Variants in ATG7 observed in about 807,000 individuals in gnomAD.
ATG7 encodes ubiquitin-like modifier-activating enzyme ATG7.
In ATG7, 70 loss-of-function variants were observed where a neutral mutation model predicts 82.4. The ratio of observed to expected loss-of-function variants is 0.85; its 90% CI spans 0.70 to 1.04. ATG7 has a LOEUF of 1.04. Among genes scored for constraint, ATG7 ranks in the 50% least tolerant of loss-of-function variants. The pLI, the probability that ATG7 is intolerant of heterozygous loss-of-function variation, is 0.00. For missense variants in ATG7, 792 were observed against 864.3 expected (o/e 0.92, Z 1.05); for synonymous variants, 287 against 313.0 (o/e 0.92, Z 0.88).
intron 20 of ATG7, among the ~76,000 whole-genome samples, chr3:11,507,320 T>C (rs1332740267): frequency 1.3e-5 from 2 of 152,104 alleles, no homozygotes; most frequent in Non-Finnish European, 2.9e-5. Context: ...ATGTGTAAAA[T>C]AAAACACAGA....
intron 19 of ATG7, among the ~76,000 whole-genome samples, chr3:11,387,641 C>A (rs999273446): frequency 4.6e-5 from 7 of 152,150 alleles, no homozygotes; most frequent in Non-Finnish European, 1.0e-4. Context: ...GGATTGTGTT[C>A]AGACTGATGA....
chr3:11,539,891 G>A (rs71316491), intron 20 of ATG7, among the ~76,000 whole-genome samples: 1,698 of 152,326 alleles, frequency 0.011, 13 homozygotes, highest in Non-Finnish European at 0.018. Context: ...GCATCATTGC[G>A]TGTGTCAGCG....
intron 20 of ATG7, among the ~76,000 whole-genome samples, chr3:11,536,813 C>T (rs2070346551): frequency 6.6e-6 from 1 of 152,202 alleles, no homozygotes; most frequent in African/African-American, 2.4e-5. Flanking sequence ...CTCTCTGAGC[C>T]TCCATCTTCC....
At chr3:11,319,061 G>A (rs563367808) in intron 9 of ATG7, among the ~76,000 whole-genome samples, 1 of 152,308 alleles carries the variant, frequency 6.6e-6, no homozygotes, top group African/African-American at 2.4e-5. Flanking sequence ...TCAACATTTA[G>A]TGCAATGCTG....
At chr3:11,441,842 T>G (rs2084006342) in intron 20 of ATG7, among the ~76,000 whole-genome samples, 1 of 151,874 alleles carries the variant, frequency 6.6e-6, no homozygotes, top group African/African-American at 2.4e-5. Flanking sequence ...AATTTTCATA[T>G]TTTTAGTAGA....
chr3:11,492,558 G>A (rs1284892450), intron 20 of ATG7, among the ~76,000 whole-genome samples: 2 of 152,220 alleles, frequency 1.3e-5, no homozygotes, highest in East Asian at 1.9e-4. Context: ...TACTCAGTCC[G>A]TTGTGCTCAA....
chr3:11,319,241 C>A (rs73812430), intron 9 of ATG7, among the ~76,000 whole-genome samples: 2,617 of 152,352 alleles, frequency 0.017, 79 homozygotes, highest in African/African-American at 0.057. Context: ...ACCTTGTTCA[C>A]TCTCTTTAGC....
chr3:11,442,739 C>CCAA lies in ATG7; in HGVS notation c.2079+15813_2079+15814insCAA, dbSNP rs1553668928. ...GCAGCATAGTGAGACTCCATCTCTA[C>CCAA]AAAAAAAAAAAAAAAAAAAAAAAAA... On this transcript the variant is annotated intron_variant, in intron 20 of 20. Coordinates refer to ENST00000693202, the MANE Select transcript of ATG7 (RefSeq NM_001349232.2). Among the ~76,000 whole-genome samples the CCAA allele has an allele frequency of 7.2e-3, 501 of 69,260 alleles. 67 individuals carry two copies. The highest frequency in any genetic ancestry group is 0.015 in the Middle Eastern group (1 of 66). The allele number at this position is 69,260 out of a possible 152,430, so 45.4% of individuals were successfully genotyped here.
At chr3:11,521,677 C>T (rs1455895360) in intron 20 of ATG7, among the ~76,000 whole-genome samples, 2 of 152,006 alleles carry the variant, frequency 1.3e-5, no homozygotes, top group Non-Finnish European at 2.9e-5. Flanking sequence ...CTCAGCCTCC[C>T]GAGTAGCTGG....
chr3:11,573,427 CAT>C, the ATG7 span, among the ~76,000 whole-genome samples: 4 of 152,050 alleles, frequency 2.6e-5, no homozygotes, highest in Admixed American at 2.6e-4. Context: ...AGTCCTCAGA[CAT>C]GTGTCCTGGT....
chr3:11,274,653 G>A (rs573350037), intron 1 of ATG7, among the ~76,000 whole-genome samples: 1 of 152,160 alleles, frequency 6.6e-6, no homozygotes, highest in East Asian at 1.9e-4. Flanking sequence ...ATAGACTTTG[G>A]GATCCAAGAT....
In ATG7 at chr3:11,465,088, A is replaced by AGAGT. The variant is rs1553682681; in HGVS notation, c.2079+38163_2079+38164insAGTG. Among the ~76,000 whole-genome samples, 14 of 147,420 alleles carry AGAGT rather than the reference A, an allele frequency of 9.5e-5. No homozygotes were observed. In the East Asian group the frequency reaches 2.4e-3, roughly 25 times the overall value. On this transcript the variant is annotated intron_variant, in intron 20 of 20. Transcript: ENST00000693202. Reference sequence around the variant, plus strand: ...ATCAAATCAATCTCTAAAAACCTAAAGTGTGTGTGTGTGTGTGTGTGTGTG... The same window carrying AGAGT: ...ATCAAATCAATCTCTAAAAACCTAAAGAGTGTGTGTGTGTGTGTGTGTGTGTGTG...
chr3:11,397,538 G>A (rs899772232), intron 19 of ATG7, among the ~76,000 whole-genome samples: 2 of 151,838 alleles, frequency 1.3e-5, no homozygotes, highest in African/African-American at 4.8e-5. Context: ...GGTCACTGTA[G>A]CCTCCATCTC....
intron 13 of ATG7, among the ~76,000 whole-genome samples, chr3:11,343,018 C>G (rs1953916005): frequency 6.6e-6 from 1 of 151,978 alleles, no homozygotes; most frequent in Non-Finnish European, 1.5e-5. Flanking sequence ...CAACCTCCAC[C>G]TCCTGAGTTC....
intron 11 of ATG7, among the ~76,000 whole-genome samples, chr3:11,334,871 C>T (rs1181279368): frequency 2.7e-5 from 4 of 147,570 alleles, no homozygotes; most frequent in Non-Finnish European, 5.9e-5. Context: ...GCAGAAGAAT[C>T]GCTTGAACCT....
At chr3:11,558,167 G>T, downstream of ATG7, 1 of 256,124 alleles carries the variant, frequency 3.9e-6, no homozygotes, top group Admixed American at 4.9e-5. Flanking sequence ...CACACACCCC[G>T]GTCTCAAGAA....
intron 20 of ATG7, among the ~76,000 whole-genome samples, chr3:11,547,299 C>T (rs2443701): frequency 0.18 from 27,472 of 152,138 alleles, 2,765 homozygotes; most frequent in Middle Eastern, 0.25. Context: ...AAACATGTGA[C>T]ACCATTGTCC....
intron 7 of ATG7, among the ~76,000 whole-genome samples, chr3:11,311,789 C>A (rs2152718110): frequency 6.6e-6 from 1 of 151,994 alleles, no homozygotes; most frequent in East Asian, 1.9e-4. Flanking sequence ...TTCAGCTTTG[C>A]AGTTCATTTT....
intron 3 of ATG7, among the ~76,000 whole-genome samples, chr3:11,285,363 A>G (rs182970143): frequency 2.0e-3 from 302 of 149,892 alleles, no homozygotes; most frequent in African/African-American, 7.1e-3. Context: ...TTTTGTAGAG[A>G]TGGGGGCCCA....
Sources: gnomAD v4.1 joint callset for allele counts (sites outside exome capture counted in the v4.1 genomes callset) on GRCh38, gnomAD v4.1.1 for gene constraint, MANE v1.5 for transcripts, NCBI Gene and HGNC (gene_info 2026-07-23, HGNC 2026-07-21) for gene names.